PTPRD: variants seen among roughly 807,000 people sequenced by gnomAD.
PTPRD encodes the protein protein tyrosine phosphatase receptor type D.
In PTPRD, 34 loss-of-function variants were observed where a neutral mutation model predicts 214.5. That is an observed-to-expected ratio of 0.16 (90% CI 0.12 to 0.21). The LOEUF (loss-of-function observed/expected upper bound fraction) is 0.21. Ranked by LOEUF, PTPRD falls within the 10% of genes least tolerant of loss-of-function variation. PTPRD has a pLI of 1.00. For synonymous variants in PTPRD, 1,128 were observed against 845.7 expected, an observed-to-expected ratio of 1.33 and a Z score of -5.79; for missense variants, 2,545 against 2,398.7, an observed-to-expected ratio of 1.06 and a Z score of -1.27.
chr9:9,151,233 T>G (rs978802610), intron 10 of PTPRD, among the ~76,000 whole-genome samples: 1 of 152,182 alleles, frequency 6.6e-6, no homozygotes, highest in African/African-American at 2.4e-5. Context: ...AGGTTTTTGT[T>G]TGGGCATCTC....
At chr9:8,947,288 C>G (rs1055741411) in intron 11 of PTPRD, among the ~76,000 whole-genome samples, 2 of 151,278 alleles carry the variant, frequency 1.3e-5, no homozygotes, top group African/African-American at 2.4e-5. Flanking sequence ...ATGGTGAAAA[C>G]CTGTCTCTAC....
At chr9:10,285,961 T>C (rs552845357) in intron 3 of PTPRD, among the ~76,000 whole-genome samples, 1 of 152,210 alleles carries the variant, frequency 6.6e-6, no homozygotes, top group South Asian at 2.1e-4. Flanking sequence ...CCAGACTCAA[T>C]AGGATTATGT....
chr9:10,315,948 A>G (rs531957286), intron 3 of PTPRD, among the ~76,000 whole-genome samples: 175 of 151,988 alleles, frequency 1.2e-3, no homozygotes, highest in African/African-American at 3.9e-3. Flanking sequence ...TTATCATAAA[A>G]CTTGGAATCG....
At chr9:9,571,246 C>G (rs1047476488) in intron 8 of PTPRD, among the ~76,000 whole-genome samples, 1 of 151,204 alleles carries the variant, frequency 6.6e-6, no homozygotes, top group Admixed American at 6.6e-5. Flanking sequence ...TTCTATCAGA[C>G]ACAAAATAAG....
At chr9:9,033,781 A>C (rs324462) in intron 10 of PTPRD, among the ~76,000 whole-genome samples, 48,583 of 151,762 alleles carry the variant, frequency 0.32, 8,360 homozygotes, top group Non-Finnish European at 0.37. Context: ...TATCTCAGGC[A>C]TGAAACACCA....
chr9:10,549,815 GA>G (rs1360960082), intron 2 of PTPRD, among the ~76,000 whole-genome samples: 1 of 151,318 alleles, frequency 6.6e-6, no homozygotes, highest in African/African-American at 2.4e-5. Flanking sequence ...GTTTTAAAAA[GA>G]TTTTTTTTTA....
At position 9,885,758 on chromosome 9, in the gene PTPRD, T is replaced by C. The variant is rs576653394; in HGVS notation, c.-368+52749A>G. ...CAGATCTTCTAGAAGGAAAATAGTC[T>C]GCTGACCCTTTTTAGACTTCTGATC... On this transcript the variant is annotated intron_variant, in intron 5 of 45. Transcript: ENST00000381196. Among the ~76,000 whole-genome samples the C allele has an allele frequency of 2.2e-4, 33 of 152,130 alleles. No individual in the cohort carries two copies. In the South Asian group the frequency reaches 2.7e-3, roughly 12 times the overall value.
At chr9:8,579,667 C>T (rs2092851823) in intron 14 of PTPRD, among the ~76,000 whole-genome samples, 1 of 152,170 alleles carries the variant, frequency 6.6e-6, no homozygotes, top group Non-Finnish European at 1.5e-5. Context: ...AAGGTATTAT[C>T]AAATCAAAGT....
chr9:10,528,093 G>A (rs186626481), intron 2 of PTPRD, among the ~76,000 whole-genome samples: 1 of 152,126 alleles, frequency 6.6e-6, no homozygotes, highest in Non-Finnish European at 1.5e-5. Flanking sequence ...CACACACTGA[G>A]TTGAAAGCTC....
intron 11 of PTPRD, among the ~76,000 whole-genome samples, chr9:8,928,848 G>T (rs569000900): frequency 1.4e-4 from 21 of 152,182 alleles, no homozygotes; most frequent in African/African-American, 5.1e-4. Context: ...CCATTTGTTT[G>T]TGTCCTCTCT....
chr9:8,471,714 G>C (rs899635149), intron 30 of PTPRD, among the ~76,000 whole-genome samples: 2 of 151,996 alleles, frequency 1.3e-5, no homozygotes, highest in East Asian at 3.9e-4. Flanking sequence ...CTTCAAAACA[G>C]CTATCACTAT....
chr9:10,505,325 G>A (rs548481245), intron 2 of PTPRD, among the ~76,000 whole-genome samples: 1 of 152,248 alleles, frequency 6.6e-6, no homozygotes, highest in Admixed American at 6.5e-5. Flanking sequence ...CATTATATAT[G>A]ATATTTTCAG....
chr9:10,120,774 G>T (rs1338288295), intron 3 of PTPRD, among the ~76,000 whole-genome samples: 1 of 151,976 alleles, frequency 6.6e-6, no homozygotes, highest in East Asian at 1.9e-4. Context: ...ATAATCCCAT[G>T]AAAGCAGAGA....
chr9:10,102,980 C>T (rs1222190423), intron 3 of PTPRD, among the ~76,000 whole-genome samples: 6 of 151,632 alleles, frequency 4.0e-5, no homozygotes, highest in African/African-American at 1.5e-4. Context: ...TCAAAACACA[C>T]ACTTTATGCC....
intron 11 of PTPRD, among the ~76,000 whole-genome samples, chr9:8,967,142 A>C (rs918214205): frequency 1.3e-5 from 2 of 151,956 alleles, no homozygotes; most frequent in African/African-American, 4.8e-5. Context: ...TAAAAAAAAA[A>C]AACAATAGAT....
chr9:9,793,975 G>C (rs1598015486), intron 5 of PTPRD, among the ~76,000 whole-genome samples: 1 of 151,914 alleles, frequency 6.6e-6, no homozygotes, highest in South Asian at 2.1e-4. Flanking sequence ...AAAGGAGTAA[G>C]AAATAAAAAG....
In PTPRD at chr9:9,854,490, G is replaced by GA. The variant is rs754388030; in HGVS notation, c.-368+84016dup. Among the ~76,000 whole-genome samples, 28 of 148,178 alleles carry GA rather than the reference G, an allele frequency of 1.9e-4. No homozygotes were observed. The East Asian group carries it at 4.9e-3, about 26-fold the overall frequency. On this transcript the variant is annotated intron_variant, in intron 5 of 45. Transcript: ENST00000381196. ...CAAGATTCCCAAGAATCTTTTCTCA[G>GA]AAAAAAAAGATATCTAATTTTTTTC...
intron 10 of PTPRD, among the ~76,000 whole-genome samples, chr9:9,123,424 A>G (rs1053408556): frequency 6.6e-6 from 1 of 152,204 alleles, no homozygotes; most frequent in Non-Finnish European, 1.5e-5. Context: ...CATATTAACT[A>G]TCAGTAGACT....
intron 9 of PTPRD, among the ~76,000 whole-genome samples, chr9:9,207,498 A>C (rs2132599640): frequency 6.6e-6 from 1 of 152,262 alleles, no homozygotes; most frequent in East Asian, 1.9e-4. Context: ...ATATAAACTA[A>C]AGCTATTAGA....
Sources: gnomAD v4.1 joint callset for allele counts (sites outside exome capture counted in the v4.1 genomes callset) on GRCh38, gnomAD v4.1.1 for gene constraint, MANE v1.5 for transcripts, NCBI Gene and HGNC (gene_info 2026-07-23, HGNC 2026-07-21) for gene names.